Variants in ABL2 observed in about 807,000 individuals in gnomAD.
ABL2 encodes the protein ABL proto-oncogene 2, non-receptor tyrosine kinase.
In ABL2, 49 loss-of-function variants were observed where a neutral mutation model predicts 107.7. The ratio of observed to expected loss-of-function variants is 0.45; its 90% CI spans 0.36 to 0.58. The LOEUF (loss-of-function observed/expected upper bound fraction) is 0.58. Ranked by LOEUF, ABL2 falls within the 20% of genes least tolerant of loss-of-function variation. The probability of loss-of-function intolerance (pLI) is 0.00; values close to 1 mark genes in which losing one functional copy is unlikely to be tolerated. For synonymous variants in ABL2, 549 were observed against 548.6 expected, an observed-to-expected ratio of 1.00 and a Z score of -0.01; for missense variants, 1,245 against 1,457.0, an observed-to-expected ratio of 0.85 and a Z score of 2.37.
intron 3 of ABL2, among the ~76,000 whole-genome samples, chr1:179,129,410 G>A (rs993948743): frequency 1.1e-4 from 16 of 152,188 alleles, no homozygotes; most frequent in Middle Eastern, 3.2e-3. Flanking sequence ...CTGGCTGGGC[G>A]TGGTGGCTCA....
intron 1 of ABL2, chr1:179,201,638 G>A (rs1382833764): frequency 1.1e-5 from 5 of 474,300 alleles, no homozygotes; most frequent in Non-Finnish European, 2.0e-5. Flanking sequence ...ATACCCAAGA[G>A]TCTTCCTTTC....
At chr1:179,110,644 A>C in intron 10 of ABL2, 189 bp from the exon 11 acceptor site, 1 of 1,534,498 alleles carries the variant, frequency 6.5e-7, no homozygotes, top group East Asian at 2.3e-5. Flanking sequence ...AGATTCGTCC[A>C]CGCTGCTGCA....
At position 179,229,492 on chromosome 1, in the gene ABL2, C is replaced by G; in HGVS notation, c.-95G>C. On this transcript the variant is annotated 5_prime_UTR_variant, in exon 1 of 12. Coordinates refer to ENST00000502732, the MANE Select transcript of ABL2 (RefSeq NM_007314.4). ...CTCCTGGCGCTGCTCCGGTCTCTCC[C>G]TCCCAGCCCAGGCCCTGGCCCTGAG... 1 of 1,326,402 alleles carries G rather than the reference C, an allele frequency of 7.5e-7. No homozygotes were observed. Among genetic ancestry groups the G allele is most frequent in the Non-Finnish European group, 9.8e-7 (1 of 1,024,570 alleles). 82.2% of individuals were successfully genotyped at this position (1,326,402 alleles called of 1,614,324 possible).
intron 1 of ABL2, among the ~76,000 whole-genome samples, chr1:179,163,605 G>A (rs1203906438): frequency 2.6e-5 from 4 of 152,114 alleles, no homozygotes; most frequent in African/African-American, 9.7e-5. Context: ...AAATTAGCTG[G>A]GCATTGTGGC....
At chr1:179,193,992 T>C (rs950966825) in intron 1 of ABL2, among the ~76,000 whole-genome samples, 3 of 152,294 alleles carry the variant, frequency 2.0e-5, no homozygotes, top group Admixed American at 2.0e-4. Flanking sequence ...TAGCAACAAC[T>C]GGATTTTCTT....
Position 179,106,272 on chromosome 1 carries a change from G to C in ABL2, c.*1446C>G, listed in dbSNP as rs930723068. On this transcript the variant is annotated 3_prime_UTR_variant, in exon 12 of 12. Transcript: ENST00000502732. ...ATTCACTTCCATGCCATCCTAATTA[G>C]CTTCCACAATTATAACTAAGGAAGG... is the stretch of plus-strand genomic sequence containing the variant. 2 of 227,998 alleles carry C rather than the reference G, an allele frequency of 8.8e-6. No homozygotes were observed. The highest frequency in any genetic ancestry group is 1.7e-5 in the Non-Finnish European group (2 of 114,900). 14.1% of individuals were successfully genotyped at this position (227,998 alleles called of 1,614,324 possible). A position where few individuals can be genotyped will look rare whatever the true frequency, so the allele number is the denominator to read the frequency against.
chr1:179,135,797 G>A (rs546837117), intron 1 of ABL2, among the ~76,000 whole-genome samples: 165 of 138,036 alleles, frequency 1.2e-3, no homozygotes, highest in Non-Finnish European at 1.9e-3. Context: ...CCCCCCGCCC[G>A]GCCAGCCGCC....
intron 1 of ABL2, among the ~76,000 whole-genome samples, chr1:179,211,579 AG>A (rs1004187442): frequency 3.9e-5 from 6 of 152,128 alleles, no homozygotes; most frequent in African/African-American, 1.4e-4. Context: ...CAGTAATCAA[AG>A]GAAAAACATA....
chr1:179,129,897 A>T (rs148660575), intron 3 of ABL2, among the ~76,000 whole-genome samples: 1 of 152,234 alleles, frequency 6.6e-6, no homozygotes, highest in East Asian at 1.9e-4. Flanking sequence ...TGGCCAGCAC[A>T]TGCAACTACC....
At chr1:179,203,329 C>T (rs1661775493) in intron 1 of ABL2, among the ~76,000 whole-genome samples, 1 of 152,082 alleles carries the variant, frequency 6.6e-6, no homozygotes, top group African/African-American at 2.4e-5. Context: ...CCTTAAAACT[C>T]AGTGATCAAA....
chr1:179,184,270 C>A, intron 1 of ABL2: 1 of 533,396 alleles, frequency 1.9e-6, no homozygotes. Flanking sequence ...GAAAATCCTT[C>A]CTTTAAAAAT....
intron 2 of ABL2, among the ~76,000 whole-genome samples, chr1:179,132,348 A>G (rs1656417969): frequency 6.6e-6 from 1 of 152,164 alleles, no homozygotes; most frequent in African/African-American, 2.4e-5. Flanking sequence ...TCCCTATACC[A>G]TCTTAAAGAT....
At chr1:179,121,914 A>AT in intron 4 of ABL2, 47 bp from the exon 5 acceptor site, 2 of 953,284 alleles carry the variant, frequency 2.1e-6, no homozygotes, top group African/African-American at 2.1e-5. Flanking sequence ...AGAGATTAAG[A>AT]ATTTTTTTTT....
rs1652992028 is a variant in ABL2, at chr1:179,100,181, C to T, written c.*7537G>A. ...TAATCATGGTGATTTCTCAAGATCT[C>T]AAGAAATTCCTCTCAAAACATAATG... On this transcript the variant is annotated 3_prime_UTR_variant, in exon 12 of 12. Transcript: ENST00000502732. 4.4e-6 allele frequency: 1 copy of T among 229,618 alleles called. No homozygotes were observed. The highest frequency in any genetic ancestry group is 2.2e-5 in the African/African-American group (1 of 45,182). The allele number at this position is 229,618 out of a possible 1,614,324, so 14.2% of individuals were successfully genotyped here.
chr1:179,229,351 T>C lies in ABL2; in HGVS notation c.47A>G (p.Gln16Arg), dbSNP rs1663420207. 6.3e-7 allele frequency: 1 copy of C among 1,583,090 alleles called. No homozygotes were observed. The highest frequency in any genetic ancestry group is 8.6e-7 in the Non-Finnish European group (1 of 1,168,308). Residue 16 changes from glutamine to arginine, a missense_variant, in exon 1 of 12, where the codon CAG becomes CGG. Around this residue, in one of 3 missense-constraint regions of ABL2, gnomAD observed 164 missense variants for 143.7 expected, o/e 1.14. Transcript: ENST00000502732. ...GRVGEAPGLQ[Q>R]PQPRGIRGSS... ...GCCCCGGATCCCGCGGGGCTGAGGC[T>C]GCTGGAGCCCCGGAGCTTCCCCGAC... is the stretch of plus-strand genomic sequence containing the variant.
chr1:179,111,851 C>A (rs978074490), intron 10 of ABL2, among the ~76,000 whole-genome samples: 8 of 152,060 alleles, frequency 5.3e-5, no homozygotes, highest in African/African-American at 1.9e-4. Flanking sequence ...CGAGAGCAGT[C>A]TGGCCAACAT....
intron 1 of ABL2, among the ~76,000 whole-genome samples, chr1:179,152,504 T>C (rs1458859970): frequency 6.6e-6 from 1 of 152,218 alleles, no homozygotes; most frequent in Non-Finnish European, 1.5e-5. Flanking sequence ...ACTGAGTTTT[T>C]TGCATGATGA....
intron 1 of ABL2, among the ~76,000 whole-genome samples, chr1:179,153,041 C>T (rs1418616847): frequency 6.6e-6 from 1 of 151,960 alleles, no homozygotes. Context: ...AAGTAATAAA[C>T]ATGGCTCAAC....
intron 1 of ABL2, among the ~76,000 whole-genome samples, chr1:179,182,680 C>T (rs905372191): frequency 6.6e-6 from 1 of 152,136 alleles, no homozygotes; most frequent in African/African-American, 2.4e-5. Context: ...CTTTAATAGA[C>T]ACTCATAAAC....
Sources: gnomAD v4.1 joint callset for allele counts (sites outside exome capture counted in the v4.1 genomes callset) on GRCh38, gnomAD v4.1.1 for gene constraint, gnomAD v4.1.1 regional missense constraint, MANE v1.5 for transcripts, NCBI Gene and HGNC (gene_info 2026-07-23, HGNC 2026-07-21) for gene names.